The following OR2L13 variants were observed in gnomAD, a reference collection of about 807,000 sequenced individuals.
OR2L13 encodes the protein olfactory receptor family 2 subfamily L member 13.
Under a neutral mutation model 15.3 loss-of-function variants are expected in OR2L13, and 14 were observed. The observed-to-expected ratio is 0.91, with a 90% CI of 0.60 to 1.43. The LOEUF (loss-of-function observed/expected upper bound fraction) is 1.43, where lower values mean the gene tolerates loss of function less well. OR2L13 is among the 40% of genes most tolerant of loss of function. The probability of loss-of-function intolerance (pLI) is 0.00; values close to 1 mark genes in which losing one functional copy is unlikely to be tolerated. For missense variants in OR2L13, 367 were observed against 387.9 expected (o/e 0.95, Z 0.45); for synonymous variants, 152 against 142.9 (o/e 1.06, Z -0.45).
the OR2L13 span, among the ~76,000 whole-genome samples, chr1:248,044,973 G>A: frequency 6.6e-6 from 1 of 152,146 alleles, no homozygotes; most frequent in Middle Eastern, 3.4e-3. Context: ...ACCACTCCAT[G>A]GGCAATTGAA....
chr1:248,079,693 A>G, the OR2L13 span, among the ~76,000 whole-genome samples: 3 of 152,206 alleles, frequency 2.0e-5, no homozygotes, highest in Admixed American at 6.5e-5. Context: ...TCTGTCACTG[A>G]GGCCTTTTCA....
At chr1:247,947,764 G>A in the OR2L13 span, among the ~76,000 whole-genome samples, 3 of 152,118 alleles carry the variant, frequency 2.0e-5, no homozygotes, top group Non-Finnish European at 2.9e-5. Context: ...ATGACTTTCC[G>A]TAAAAGGGAC....
chr1:248,092,874 G>A (rs78372701), upstream of OR2L13, among the ~76,000 whole-genome samples: 19 of 152,214 alleles, frequency 1.2e-4, no homozygotes, highest in East Asian at 3.7e-3. Context: ...TCAATCTTTG[G>A]TCAGAGCCTC....
At chr1:248,028,208 C>T in the OR2L13 span, among the ~76,000 whole-genome samples, 3 of 148,712 alleles carry the variant, frequency 2.0e-5, no homozygotes, top group South Asian at 2.1e-4. Context: ...TTTGAGGCTT[C>T]CTGTCTCTTC....
At chr1:248,071,691 C>T in the OR2L13 span, among the ~76,000 whole-genome samples, 1 of 151,250 alleles carries the variant, frequency 6.6e-6, no homozygotes, top group African/African-American at 2.4e-5. Context: ...CAAATTGTCC[C>T]TGTTTGCAGA....
the OR2L13 span, among the ~76,000 whole-genome samples, chr1:247,978,971 C>T: frequency 6.6e-6 from 1 of 152,080 alleles, no homozygotes; most frequent in Non-Finnish European, 1.5e-5. Flanking sequence ...TCATGTCCCC[C>T]ACATGTGTTT....
At chr1:247,981,538 C>T in the OR2L13 span, among the ~76,000 whole-genome samples, 1 of 152,122 alleles carries the variant, frequency 6.6e-6, no homozygotes, top group South Asian at 2.1e-4. Flanking sequence ...TTCTTCAAGA[C>T]ACAATGTAAA....
chr1:247,990,914 C>A, the OR2L13 span: 1 of 1,479,902 alleles, frequency 6.8e-7, no homozygotes, highest in Non-Finnish European at 9.4e-7. Context: ...ATTGCATGTT[C>A]CTATGGCCGG....
chr1:248,095,607 C>CTTTTTTTTTTTTTTTTTTT (rs780686820), upstream of OR2L13, among the ~76,000 whole-genome samples: 37 of 37,308 alleles, frequency 9.9e-4, 15 homozygotes, highest in East Asian at 1.9e-3. Flanking sequence ...AAAGCTGCTG[C>CTTTTTTTTTTTTTTTTTTT]TTTTTTTTTT....
At chr1:248,085,485 AT>A in the OR2L13 span, among the ~76,000 whole-genome samples, 13 of 140,020 alleles carry the variant, frequency 9.3e-5, no homozygotes, top group Admixed American at 8.6e-4. Flanking sequence ...AAAAAAAAAA[AT>A]CACTACTGTC....
At chr1:247,998,217 C>A in the OR2L13 span, among the ~76,000 whole-genome samples, 2 of 152,206 alleles carry the variant, frequency 1.3e-5, no homozygotes, top group Non-Finnish European at 2.9e-5. Context: ...CTTTCTGTAA[C>A]ACGTCAGCAG....
the OR2L13 span, among the ~76,000 whole-genome samples, chr1:248,068,220 C>T: frequency 2.0e-3 from 301 of 152,272 alleles, no homozygotes; most frequent in Non-Finnish European, 3.5e-3. Flanking sequence ...CCCCTGACCC[C>T]TGAGCAGCCT....
upstream of OR2L13, chr1:248,097,224 T>G (rs1476504378): frequency 6.6e-6 from 1 of 152,198 alleles, no homozygotes; most frequent in Admixed American, 6.5e-5. Context: ...CCCTCAACCT[T>G]GGCCCAAATA....
At chr1:247,938,611 G>A in the OR2L13 span, among the ~76,000 whole-genome samples, 1 of 152,100 alleles carries the variant, frequency 6.6e-6, no homozygotes, top group Non-Finnish European at 1.5e-5. Flanking sequence ...CGCCTACATT[G>A]AGGGTAGTAG....
At chr1:248,077,170 C>G in the OR2L13 span, among the ~76,000 whole-genome samples, 1 of 152,148 alleles carries the variant, frequency 6.6e-6, no homozygotes, top group African/African-American at 2.4e-5. Flanking sequence ...ATTGAACCAG[C>G]CTTGCATCCC....
chr1:247,996,114 A>G, the OR2L13 span, among the ~76,000 whole-genome samples: 8 of 152,160 alleles, frequency 5.3e-5, no homozygotes, highest in Admixed American at 5.2e-4. Flanking sequence ...CAGCTGACCT[A>G]CGATTGTTAA....
At chr1:248,048,718 T>C in the OR2L13 span, among the ~76,000 whole-genome samples, 2 of 152,256 alleles carry the variant, frequency 1.3e-5, no homozygotes, top group South Asian at 2.1e-4. Flanking sequence ...GAGATCAGTT[T>C]CTGGAAGTTT....
At chr1:248,085,941 T>C in the OR2L13 span, among the ~76,000 whole-genome samples, 1 of 152,158 alleles carries the variant, frequency 6.6e-6, no homozygotes, top group Non-Finnish European at 1.5e-5. Context: ...CAATGGGTAA[T>C]GCTTGTTCAC....
the OR2L13 span, among the ~76,000 whole-genome samples, chr1:248,048,513 G>A: frequency 6.6e-6 from 1 of 152,104 alleles, no homozygotes; most frequent in African/African-American, 2.4e-5. Context: ...ACACTCTTTT[G>A]TGTCATCTGA....
Sources: gnomAD v4.1 joint callset for allele counts (sites outside exome capture counted in the v4.1 genomes callset) on GRCh38, gnomAD v4.1.1 for gene constraint, MANE v1.5 for transcripts, NCBI Gene and HGNC (gene_info 2026-07-23, HGNC 2026-07-21) for gene names.